Variants in PCDHA5 observed in about 807,000 individuals in gnomAD.
PCDHA5 encodes protocadherin alpha-5.
PCDHA5 carries 43 observed loss-of-function variants against 61.6 expected under a neutral mutation model. The ratio of observed to expected loss-of-function variants is 0.70; its 90% confidence interval spans 0.55 to 0.90. PCDHA5 has a LOEUF of 0.90. Among genes scored for constraint, PCDHA5 ranks in the 40% least tolerant of loss-of-function variants. The pLI is 0.00. For synonymous variants in PCDHA5, 627 were observed against 543.9 expected (o/e 1.15, Z -2.13); for missense variants, 1,298 against 1,222.7 (o/e 1.06, Z -0.92).
At chr5:140,834,869 C>T (rs782789738) in intron 1 of PCDHA5, 1 of 1,609,230 alleles carries the variant, frequency 6.2e-7, no homozygotes, top group Non-Finnish European at 8.5e-7. Flanking sequence ...ATGCAGATAT[C>T]GGGGAGAACG....
chr5:140,875,234 T>C, intron 1 of PCDHA5: 1 of 867,742 alleles, frequency 1.2e-6, no homozygotes. Context: ...ATCTTTCTTG[T>C]ACTTACATAA....
rs1311209449 is a variant in PCDHA5, at chr5:141,010,944, A to G, written c.*1007A>G. On this transcript the variant is annotated 3_prime_UTR_variant, in exon 4 of 4. Transcript: ENST00000529859. ...GAGAATTCAGTCTACAGCCATTTAA[A>G]TGATCATTGCTGCTACAGAAGTGCT... 6.5e-6 allele frequency: 1 copy of G among 153,776 alleles called. No individual in the cohort carries two copies. The highest frequency in any genetic ancestry group is 2.4e-5 in the African/African-American group (1 of 41,450). 9.5% of individuals were successfully genotyped at this position (153,776 alleles called of 1,614,324 possible).
At chr5:140,925,959 T>A (rs1424415985) in intron 1 of PCDHA5, among the ~76,000 whole-genome samples, 5 of 151,912 alleles carry the variant, frequency 3.3e-5, no homozygotes, top group African/African-American at 4.8e-5. Flanking sequence ...GAAACTGCTA[T>A]CACGCAAAAA....
At chr5:140,927,720 G>C (rs782475238) in intron 1 of PCDHA5, 8 of 1,614,056 alleles carry the variant, frequency 5.0e-6, no homozygotes, top group Non-Finnish European at 6.8e-6. Flanking sequence ...GCAACAGCAC[G>C]CAAGCAGAGC....
At chr5:140,828,241 G>A (rs201142330) in intron 1 of PCDHA5, 20 of 1,613,960 alleles carry the variant, frequency 1.2e-5, no homozygotes, top group East Asian at 6.7e-5. Context: ...GGATCGCGCA[G>A]GACCTGGGGC....
chr5:140,870,504 C>G (rs782464928), intron 1 of PCDHA5: 18 of 1,614,232 alleles, frequency 1.1e-5, no homozygotes, highest in Non-Finnish European at 3.4e-6. Context: ...AGGAGAACAA[C>G]CCACCAGGCT....
At chr5:140,995,106 G>C (rs1318120210) in intron 3 of PCDHA5, among the ~76,000 whole-genome samples, 6 of 152,180 alleles carry the variant, frequency 3.9e-5, no homozygotes, top group East Asian at 1.9e-4. Context: ...TACATTCCAA[G>C]ACCCTCAGTG....
In PCDHA5 at chr5:140,926,779, C is replaced by T. The variant is rs1262086128; in HGVS notation, c.2353-52170C>T. 8 of 1,398,696 alleles carry T rather than the reference C, an allele frequency of 5.7e-6. No individual in the cohort carries two copies. In the South Asian group the frequency reaches 1.2e-4, roughly 21 times the overall value. 86.6% of individuals were successfully genotyped at this position (1,398,696 alleles called of 1,614,324 possible). A position where few individuals can be genotyped will look rare whatever the true frequency, so the allele number is the denominator to read the frequency against. On this transcript the variant is annotated intron_variant, in intron 1 of 3. Transcript: ENST00000529859. ...CTGAGTATCCAGCCCGCAGCAGTGACGGCCGGCAGGAGCGTGCTCTTCCCC... is the reference window on the plus strand; with the variant it reads ...CTGAGTATCCAGCCCGCAGCAGTGATGGCCGGCAGGAGCGTGCTCTTCCCC...
intron 1 of PCDHA5, chr5:140,831,049 T>C (rs1289663905): frequency 6.6e-6 from 1 of 152,264 alleles, no homozygotes; most frequent in Non-Finnish European, 1.5e-5. Flanking sequence ...ATAGTGTTCA[T>C]TTATTGTCCC....
In PCDHA5 at chr5:140,947,454, C is replaced by G. The variant is rs138457341; in HGVS notation, c.2353-31495C>G. 3.0e-4 allele frequency among the ~76,000 whole-genome samples: 45 copies of G among 151,700 alleles called. No individual in the cohort carries two copies. In the East Asian group the frequency reaches 8.3e-3, roughly 28 times the overall value. On this transcript the variant is annotated intron_variant, in intron 1 of 3. Coordinates refer to ENST00000529859, the MANE Select transcript of PCDHA5 (RefSeq NM_018908.3). ...AAAATCAGCTGTGAAATCCTCCAACCTTGTTCTACTTGTAAACATTGTTTT... is the reference window on the plus strand; with the variant it reads ...AAAATCAGCTGTGAAATCCTCCAACGTTGTTCTACTTGTAAACATTGTTTT...
intron 1 of PCDHA5, among the ~76,000 whole-genome samples, chr5:140,923,834 T>G (rs2081542074): frequency 6.6e-6 from 1 of 152,210 alleles, no homozygotes; most frequent in South Asian, 2.1e-4. Flanking sequence ...AGTGGCAGTT[T>G]AAATAGAGAA....
intron 1 of PCDHA5, among the ~76,000 whole-genome samples, chr5:140,941,247 CTTTCTTTCTCTT>C (rs1165264412): frequency 7.0e-5 from 9 of 128,506 alleles, no homozygotes; most frequent in African/African-American, 1.7e-4. Context: ...TTCTTTCTTT[CTTTCTTTCTCTT>C]TCTTTCTTTC....
chr5:140,836,002 C>A (rs1302809722), intron 1 of PCDHA5: 14 of 1,613,124 alleles, frequency 8.7e-6, no homozygotes, highest in South Asian at 4.4e-5. Flanking sequence ...GCGCGCGATG[C>A]GGGCGTGCCG....
intron 1 of PCDHA5, chr5:140,841,218 C>T: frequency 7.0e-7 from 1 of 1,431,458 alleles, no homozygotes; most frequent in Non-Finnish European, 9.4e-7. Flanking sequence ...CTCTAAAGGC[C>T]GAACAACGGG....
At chr5:140,853,620 T>C (rs2042810253) in intron 1 of PCDHA5, 2 of 988,130 alleles carry the variant, frequency 2.0e-6, no homozygotes, top group African/African-American at 1.8e-5. Context: ...TGTAAATAAG[T>C]ATACAAGATC....
chr5:140,979,434 A>G (rs1490433887), intron 2 of PCDHA5, among the ~76,000 whole-genome samples: 1 of 151,986 alleles, frequency 6.6e-6, no homozygotes, highest in South Asian at 2.1e-4. Context: ...CACATTGGCT[A>G]TTACATCCTA....
chr5:140,999,797 T>C (rs2097876830), intron 3 of PCDHA5, among the ~76,000 whole-genome samples: 1 of 152,202 alleles, frequency 6.6e-6, no homozygotes, highest in African/African-American at 2.4e-5. Context: ...CAGAGTTATT[T>C]TGGGCACAAA....
chr5:140,927,607 C>T, intron 1 of PCDHA5: 2 of 1,614,180 alleles, frequency 1.2e-6, no homozygotes, highest in Non-Finnish European at 8.5e-7. Flanking sequence ...CTCCGTATAC[C>T]GCACCAAGGT....
intron 1 of PCDHA5, among the ~76,000 whole-genome samples, chr5:140,956,378 G>A (rs1317429422): frequency 5.9e-5 from 9 of 152,072 alleles, no homozygotes; most frequent in African/African-American, 1.7e-4. Context: ...GAATTTTATC[G>A]AAGGCCTTTT....
Sources: allele counts gnomAD v4.1 joint callset (sites outside exome capture counted in the v4.1 genomes callset), GRCh38; gene constraint gnomAD v4.1.1; transcripts MANE v1.5; gene names NCBI Gene and HGNC (gene_info 2026-07-23, HGNC 2026-07-21).